OSGIN1: variants seen among roughly 807,000 people sequenced by gnomAD.
OSGIN1 encodes oxidative stress-induced growth inhibitor 1.
In OSGIN1, 19 loss-of-function variants were observed where a neutral mutation model predicts 20.1. The observed-to-expected ratio is 0.95, with a 90% CI of 0.66 to 1.39. The LOEUF is 1.39. OSGIN1 is among the 40% of genes most tolerant of loss of function. The pLI is 0.00. For missense variants in OSGIN1, 820 were observed against 653.0 expected (o/e 1.26, Z -2.79); for synonymous variants, 368 against 297.8 (o/e 1.24, Z -2.43).
At chr16:83,964,760 C>T (rs962743755) in intron 5 of OSGIN1, among the ~76,000 whole-genome samples, 1 of 152,170 alleles carries the variant, frequency 6.6e-6, no homozygotes, top group Non-Finnish European at 1.5e-5. Flanking sequence ...TCCCTGATGG[C>T]AGAGTCAGGA....
At chr16:83,955,991 C>G (rs1034959177) in intron 1 of OSGIN1, among the ~76,000 whole-genome samples, 1 of 152,224 alleles carries the variant, frequency 6.6e-6, no homozygotes, top group African/African-American at 2.4e-5. Flanking sequence ...TGACAGACCC[C>G]TTCCCCGCTA....
At chr16:83,960,790 G>T (rs532605736) in intron 4 of OSGIN1, 30 bp downstream of exon 4, 4 of 1,605,210 alleles carry the variant, frequency 2.5e-6, no homozygotes, top group East Asian at 4.5e-5. Context: ...CATGGCTTGT[G>T]GGGGGCTCTC....
chr16:83,953,618 G>A (rs1405539510), intron 1 of OSGIN1, among the ~76,000 whole-genome samples: 4 of 152,214 alleles, frequency 2.6e-5, no homozygotes, highest in East Asian at 3.9e-4. Flanking sequence ...CAGCTGAAGC[G>A]GCCACAGTCC....
At chr16:83,954,962 G>A (rs186120313) in intron 1 of OSGIN1, among the ~76,000 whole-genome samples, 3 of 152,222 alleles carry the variant, frequency 2.0e-5, no homozygotes, top group African/African-American at 7.2e-5. Flanking sequence ...AAGGGGCTGG[G>A]GTGCCTGGGG....
Position 83,957,733 on chromosome 16 carries a change from T to C in OSGIN1, c.62T>C (p.Ile21Thr), listed in dbSNP as rs190780148. The change falls in exon 2 of 6, where the codon ATT (isoleucine) becomes ACT (threonine). Residue 21 changes from isoleucine to threonine, a missense_variant. Ile to Thr is a moderately conservative substitution (Grantham distance 89, BLOSUM62 -1). Transcript: ENST00000393306. ...AGCTCAGAGCCCCTCCCGGTCATCA[T>C]TGTGGGTGAGTGTCAGGCCCCAGCC... ...ASSSEPLPVIIVGNGPSGICL... is the reference protein window; with the variant it reads ...ASSSEPLPVITVGNGPSGICL... 1.4e-5 allele frequency: 22 copies of C among 1,587,138 alleles called. No individual in the cohort carries two copies. Among genetic ancestry groups the C allele is most frequent in the South Asian group, 1.0e-4 (9 of 87,978 alleles).
Position 83,959,333 on chromosome 16 carries a change from C to A in OSGIN1, c.141C>A (p.Ile47=). ...GYTPYTKPDA[I]HPHPLLQRKL... ...CACCCTACACGAAGCCAGATGCCAT[C>A]CACCCACACCCCCTGCTGCAGAGGA... The change falls in exon 3 of 6, where the codon ATC becomes ATA. Residue 47 remains isoleucine (I), a synonymous_variant. Coordinates refer to ENST00000393306, the MANE Select transcript of OSGIN1 (RefSeq NM_182981.3). 6.2e-7 allele frequency: 1 copy of A among 1,613,860 alleles called. No individual in the cohort carries two copies. The highest frequency in any genetic ancestry group is 8.5e-7 in the Non-Finnish European group (1 of 1,179,978).
intron 5 of OSGIN1, 145 bp from the exon 6 acceptor site, chr16:83,964,917 G>C: frequency 1.6e-6 from 1 of 637,962 alleles, no homozygotes. Flanking sequence ...CTGAGGCTTA[G>C]AGAGGTTGAA....
intron 2 of OSGIN1, among the ~76,000 whole-genome samples, chr16:83,958,750 C>T (rs34502843): frequency 1.3e-5 from 2 of 152,234 alleles, no homozygotes; most frequent in African/African-American, 4.8e-5. Flanking sequence ...CTCAGCACCC[C>T]TGAGCGCCCA....
At chr16:83,961,809 G>A (rs897811080) in intron 5 of OSGIN1, among the ~76,000 whole-genome samples, 9 of 152,116 alleles carry the variant, frequency 5.9e-5, no homozygotes, top group African/African-American at 2.2e-4. Context: ...TAAGGAGGGG[G>A]TAACACCTGG....
chr16:83,956,607 T>C (rs1023483080), intron 1 of OSGIN1, among the ~76,000 whole-genome samples: 3 of 152,186 alleles, frequency 2.0e-5, no homozygotes, highest in Non-Finnish European at 4.4e-5. Context: ...ACTGAGAAGT[T>C]TGTGCGACCT....
chr16:83,957,490 A>C (rs962351920), intron 1 of OSGIN1, 150 bp from the exon 2 acceptor site: 14 of 590,806 alleles, frequency 2.4e-5, no homozygotes, highest in African/African-American at 7.8e-5. Context: ...TGTGAGAGCA[A>C]GAAGGGAGTC....
chr16:83,955,483 C>T (rs1206461689), intron 1 of OSGIN1, among the ~76,000 whole-genome samples: 1 of 152,178 alleles, frequency 6.6e-6, no homozygotes, highest in South Asian at 2.1e-4. Context: ...GCGGCCTGGG[C>T]TCTGATCCAG....
intron 1 of OSGIN1, among the ~76,000 whole-genome samples, chr16:83,953,688 C>G (rs1278084565): frequency 6.6e-6 from 1 of 152,240 alleles, no homozygotes; most frequent in Non-Finnish European, 1.5e-5. Context: ...GTGGCCAGCC[C>G]GGGCTTACTG....
In OSGIN1 at chr16:83,966,209, G is replaced by T. The variant is rs547722242; in HGVS notation, c.*202G>T. On this transcript the variant is annotated 3_prime_UTR_variant, in exon 6 of 6. Transcript: ENST00000393306. The stretch of plus-strand genomic sequence containing the variant: ...GGTGGTAACAGCGGCCGCAGGCCAG[G>T]GTTGGCCTAGACCTGGGATTTGTGG... 3.4e-6 allele frequency: 2 copies of T among 580,672 alleles called. No homozygotes were observed. The highest frequency in any genetic ancestry group is 3.4e-5 in the Admixed American group (1 of 29,306). The allele number at this position is 580,672 out of a possible 1,614,324, so 36.0% of individuals were successfully genotyped here.
At chr16:83,955,217 A>G (rs1215598668) in intron 1 of OSGIN1, among the ~76,000 whole-genome samples, 1 of 152,190 alleles carries the variant, frequency 6.6e-6, no homozygotes, top group Admixed American at 6.5e-5. Flanking sequence ...GGAGCAAGCC[A>G]GAGAAAGCAC....
At chr16:83,962,178 A>C (rs111238795) in intron 5 of OSGIN1, among the ~76,000 whole-genome samples, 3,563 of 152,162 alleles carry the variant, frequency 0.023, 70 homozygotes, top group South Asian at 0.059. Flanking sequence ...ACCCTAGAGA[A>C]AAGGTTTGTG....
rs149711576 is a variant in OSGIN1, at chr16:83,955,197, G to A, written c.-33+1827G>A. Among the ~76,000 whole-genome samples the A allele has an allele frequency of 9.2e-5, 14 of 152,198 alleles. No homozygotes were observed. In the East Asian group the frequency reaches 2.7e-3, roughly 29 times the overall value. ...AGGACTGAGGGGCCCAGAGCCATTC[G>A]AGGGTATCAGGAGCAAGCCAGAGAA... On this transcript the variant is annotated intron_variant, in intron 1 of 5. Coordinates refer to ENST00000393306, the MANE Select transcript of OSGIN1 (RefSeq NM_182981.3).
chr16:83,963,964 G>A (rs1311849660), intron 5 of OSGIN1, among the ~76,000 whole-genome samples: 3 of 148,762 alleles, frequency 2.0e-5, no homozygotes, highest in African/African-American at 4.9e-5. Context: ...GAACGATGGT[G>A]AGTGCGTCAC....
intron 3 of OSGIN1, among the ~76,000 whole-genome samples, chr16:83,960,155 TCCCCACTCCAG>T: frequency 6.6e-6 from 1 of 152,268 alleles, no homozygotes; most frequent in East Asian, 1.9e-4. Flanking sequence ...GAGAAAAATG[TCCCCACTCCAG>T]TAAAACAGGG....
Sources: allele counts gnomAD v4.1 joint callset (sites outside exome capture counted in the v4.1 genomes callset), GRCh38; gene constraint gnomAD v4.1.1; transcripts MANE v1.5; gene names NCBI Gene and HGNC (gene_info 2026-07-23, HGNC 2026-07-21).